The following SDCCAG8 variants were observed in gnomAD, a reference collection of about 807,000 sequenced individuals.
SDCCAG8 encodes the protein SHH signaling and ciliogenesis regulator SDCCAG8, also known as serologically defined colon cancer antigen 8.
In SDCCAG8, 74 loss-of-function variants were observed where a neutral mutation model predicts 101.8. The ratio of observed to expected loss-of-function variants is 0.73; its 90% CI spans 0.60 to 0.88. SDCCAG8 has a LOEUF of 0.88. Ranked by LOEUF, SDCCAG8 falls within the 40% of genes least tolerant of loss-of-function variation. SDCCAG8 has a pLI of 0.00. For synonymous variants in SDCCAG8, 281 were observed against 292.9 expected (o/e 0.96, Z 0.41); for missense variants, 787 against 822.6 (o/e 0.96, Z 0.53).
At chr1:243,345,003 A>C (rs1406804398) in intron 12 of SDCCAG8, among the ~76,000 whole-genome samples, 2 of 152,194 alleles carry the variant, frequency 1.3e-5, no homozygotes, top group Admixed American at 6.5e-5. Flanking sequence ...TTTATGTTAC[A>C]GTACAGGACC....
intron 12 of SDCCAG8, among the ~76,000 whole-genome samples, chr1:243,369,484 T>C (rs867485882): frequency 1.3e-5 from 2 of 152,282 alleles, no homozygotes; most frequent in African/African-American, 2.4e-5. Flanking sequence ...TTCTGTTACA[T>C]GTTGCAACTC....
intron 9 of SDCCAG8, among the ~76,000 whole-genome samples, chr1:243,325,875 A>G (rs898352636): frequency 2.0e-5 from 3 of 152,248 alleles, no homozygotes; most frequent in African/African-American, 7.2e-5. Flanking sequence ...TCAATTGGTG[A>G]TAATTTTAAA....
intron 9 of SDCCAG8, among the ~76,000 whole-genome samples, chr1:243,323,310 G>A (rs1302887777): frequency 2.0e-5 from 3 of 151,874 alleles, no homozygotes; most frequent in South Asian, 2.1e-4. Flanking sequence ...CACTTTCTTC[G>A]GATGACCTAC....
intron 15 of SDCCAG8, among the ~76,000 whole-genome samples, chr1:243,419,223 G>A (rs1195846170): frequency 6.6e-6 from 1 of 151,860 alleles, no homozygotes; most frequent in South Asian, 2.1e-4. Context: ...CCTTCCTAGC[G>A]TATACTAAGA....
At chr1:243,450,905 C>T (rs572229043) in intron 16 of SDCCAG8, among the ~76,000 whole-genome samples, 33 of 152,274 alleles carry the variant, frequency 2.2e-4, no homozygotes, top group Middle Eastern at 6.8e-3. Context: ...GTGATCCTTC[C>T]GCCTCGGCCT....
At chr1:243,362,587 T>G (rs1227321860) in intron 12 of SDCCAG8, among the ~76,000 whole-genome samples, 2 of 152,256 alleles carry the variant, frequency 1.3e-5, no homozygotes, top group Non-Finnish European at 2.9e-5. Flanking sequence ...CATAGTACAA[T>G]GCATGACATG....
intron 10 of SDCCAG8, among the ~76,000 whole-genome samples, chr1:243,339,136 G>A (rs958938013): frequency 3.9e-5 from 6 of 151,976 alleles, no homozygotes; most frequent in African/African-American, 1.5e-4. Context: ...ACAGCTAGTG[G>A]GCAGAGGAAG....
At chr1:243,446,109 GA>G (rs764111012) in intron 16 of SDCCAG8, among the ~76,000 whole-genome samples, 3 of 152,206 alleles carry the variant, frequency 2.0e-5, no homozygotes, top group Non-Finnish European at 4.4e-5. Context: ...GAGGGAAAAG[GA>G]AAGGGTTAGT....
In SDCCAG8 at chr1:243,499,753, C is replaced by A; in HGVS notation, c.2113-3C>A. 6.2e-7 allele frequency: 1 copy of A among 1,610,444 alleles called. No individual in the cohort carries two copies. Among genetic ancestry groups the A allele is most frequent in the East Asian group, 2.2e-5 (1 of 44,866 alleles). On this transcript the variant is annotated splice_region_variant and splice_polypyrimidine_tract_variant and intron_variant, in intron 17 of 17. Transcript: ENST00000366541. ...GAAACTTACTTTTTATTATTTTTTCCAGTTACCCAGCATGCCACAATCTGA... is the reference window on the plus strand; with the variant it reads ...GAAACTTACTTTTTATTATTTTTTCAAGTTACCCAGCATGCCACAATCTGA...
chr1:243,394,977 G>A (rs748398200), intron 13 of SDCCAG8, among the ~76,000 whole-genome samples: 4 of 151,910 alleles, frequency 2.6e-5, no homozygotes, highest in Admixed American at 6.6e-5. Flanking sequence ...AAATATTAAC[G>A]GTGTTCTCTG....
intron 17 of SDCCAG8, among the ~76,000 whole-genome samples, chr1:243,495,918 T>G (rs909525024): frequency 1.7e-4 from 26 of 152,134 alleles, no homozygotes; most frequent in Non-Finnish European, 3.1e-4. Context: ...GTCTGGACTT[T>G]GAGGTCAAAC....
chr1:243,286,008 C>G (rs1198003314), intron 4 of SDCCAG8, among the ~76,000 whole-genome samples: 4 of 152,126 alleles, frequency 2.6e-5, no homozygotes, highest in Non-Finnish European at 5.9e-5. Context: ...TTTCTTTGAG[C>G]CTCGATTCCT....
Position 243,417,979 on chromosome 1 carries a change from T to A in SDCCAG8, c.1756T>A (p.Tyr586Asn), listed in dbSNP as rs542690685. The change falls in exon 15 of 18, where the codon TAT (tyrosine) becomes AAT (asparagine). Residue 586 changes from tyrosine (Y) to asparagine (N), a missense_variant. By Grantham distance (143) the Tyr-to-Asn change is moderately radical (BLOSUM62 -2). Transcript: ENST00000366541. ...AQHDKTENEQ[Y>N]LLLTSQNTFL... ...ATTGTTATTTCTAGAAAATGAACAGTATTTGTTGCTGACCTCCCAGAATAC... is the reference window on the plus strand; with the variant it reads ...ATTGTTATTTCTAGAAAATGAACAGAATTTGTTGCTGACCTCCCAGAATAC... 3.7e-6 allele frequency: 6 copies of A among 1,608,890 alleles called. No individual in the cohort carries two copies. The East Asian group carries it at 1.1e-4, about 30-fold the overall frequency.
chr1:243,461,904 G>A (rs936195266), intron 16 of SDCCAG8, among the ~76,000 whole-genome samples: 4 of 152,046 alleles, frequency 2.6e-5, no homozygotes, highest in Non-Finnish European at 1.5e-5. Context: ...GGTCTTTTCC[G>A]AGCCCAAATG....
At chr1:243,459,300 A>G (rs1009723278) in intron 16 of SDCCAG8, among the ~76,000 whole-genome samples, 1 of 152,220 alleles carries the variant, frequency 6.6e-6, no homozygotes, top group African/African-American at 2.4e-5. Context: ...GAATTTAAAT[A>G]GGTTTGCCTG....
chr1:243,394,545 C>G (rs1375294475), intron 13 of SDCCAG8, among the ~76,000 whole-genome samples: 1 of 152,100 alleles, frequency 6.6e-6, no homozygotes, highest in African/African-American at 2.4e-5. Flanking sequence ...CGTTAAAAGA[C>G]TTCATAAATA....
intron 8 of SDCCAG8, among the ~76,000 whole-genome samples, chr1:243,312,706 CAAA>C (rs34803859): frequency 6.0e-5 from 6 of 99,182 alleles, no homozygotes; most frequent in Admixed American, 1.1e-4. Context: ...AACCTGTCTC[CAAA>C]AAAAAAAAAA....
Position 243,256,216 on chromosome 1 carries a change from G to A in SDCCAG8, c.43G>A (p.Gly15Arg). ...PENSTLEEILGQYQRSLREHA... is the reference protein window; with the variant it reads ...PENSTLEEILRQYQRSLREHA... ...GAACTCTACCCTGGAGGAGATTCTG[G>A]GGCAGTATCAACGGAGTCTCCGGGG... The change falls in exon 1 of 18, where the codon GGG becomes AGG. Residue 15 changes from glycine to arginine, a missense_variant. By Grantham distance (125) the Gly-to-Arg change is moderately radical. Transcript: ENST00000366541. 6.2e-7 allele frequency: 1 copy of A among 1,614,200 alleles called. No individual in the cohort carries two copies. Among genetic ancestry groups the A allele is most frequent in the Non-Finnish European group, 8.5e-7 (1 of 1,180,014 alleles).
chr1:243,398,243 G>C (rs2079146928), intron 13 of SDCCAG8, among the ~76,000 whole-genome samples: 1 of 152,190 alleles, frequency 6.6e-6, no homozygotes, highest in Non-Finnish European at 1.5e-5. Flanking sequence ...TTTGAGTTTA[G>C]AGAGAATGTC....
Sources: allele counts gnomAD v4.1 joint callset (sites outside exome capture counted in the v4.1 genomes callset), GRCh38; gene constraint gnomAD v4.1.1; transcripts MANE v1.5; gene names NCBI Gene and HGNC (gene_info 2026-07-23, HGNC 2026-07-21).